UBR3: variants seen among roughly 807,000 people sequenced by gnomAD.
The protein encoded by UBR3 is ubiquitin protein ligase E3 component n-recognin 3, also known as E3 ubiquitin-protein ligase UBR3.
A neutral mutation model predicts 243.2 loss-of-function variants in UBR3; 85 were observed. The observed-to-expected ratio is 0.35, with a 90% CI of 0.29 to 0.42. The LOEUF is 0.42. UBR3 is among the 10% of genes least tolerant of loss of function. The probability of loss-of-function intolerance (pLI) is 1.00; values close to 1 mark genes in which losing one functional copy is unlikely to be tolerated. For synonymous variants in UBR3, 748 were observed against 799.8 expected (o/e 0.94, Z 1.09); for missense variants, 1,686 against 2,300.8 (o/e 0.73, Z 5.47).
intron 1 of UBR3, among the ~76,000 whole-genome samples, chr2:169,845,574 CTTCT>C (rs1268371668): frequency 7.3e-5 from 10 of 137,514 alleles, no homozygotes; most frequent in African/African-American, 2.4e-4. Flanking sequence ...CTTCTTCTTT[CTTCT>C]TTCTTCTTCT....
In UBR3 at chr2:170,082,086, C is replaced by T; in HGVS notation, c.*243C>T. 6.4e-6 allele frequency: 2 copies of T among 314,574 alleles called. No individual in the cohort carries two copies. Among genetic ancestry groups the T allele is most frequent in the East Asian group, 5.1e-5 (1 of 19,454 alleles). The allele number at this position is 314,574 out of a possible 1,614,324, so 19.5% of individuals were successfully genotyped here. ...TTCTTTAGTGGTCATTTTTTAAGTG[C>T]ACAATTAATAAGAAGCACAACTTGT... On this transcript the variant is annotated 3_prime_UTR_variant, in exon 39 of 39. Coordinates refer to ENST00000272793, the MANE Select transcript of UBR3 (RefSeq NM_172070.4).
intron 5 of UBR3, among the ~76,000 whole-genome samples, chr2:169,887,780 TTTC>T (rs1193711441): frequency 4.0e-5 from 6 of 148,756 alleles, no homozygotes; most frequent in Non-Finnish European, 6.0e-5. Flanking sequence ...TTTTTCTTTC[TTTC>T]TTTTTTTTTT....
At chr2:169,908,205 T>C (rs2085094752) in intron 10 of UBR3, among the ~76,000 whole-genome samples, 1 of 152,236 alleles carries the variant, frequency 6.6e-6, no homozygotes, top group Non-Finnish European at 1.5e-5. Flanking sequence ...ATGAGAGTTA[T>C]CTTGGAAGCT....
intron 1 of UBR3, among the ~76,000 whole-genome samples, chr2:169,828,612 G>C (rs756321662): frequency 1.3e-5 from 2 of 152,016 alleles, no homozygotes; most frequent in Non-Finnish European, 2.9e-5. Context: ...CTTGAGGGTT[G>C]AGGGAGGAGG....
At chr2:170,073,719 C>T (rs1355565025) in intron 36 of UBR3, 112 bp downstream of exon 36, 4 of 1,150,660 alleles carry the variant, frequency 3.5e-6, no homozygotes, top group African/African-American at 1.7e-5. Context: ...AATTATAAAA[C>T]TTGATTAAAT....
chr2:170,021,722 T>G (rs1218690107), intron 30 of UBR3, among the ~76,000 whole-genome samples: 1 of 152,202 alleles, frequency 6.6e-6, no homozygotes, highest in Non-Finnish European at 1.5e-5. Context: ...ATAAAGTTTA[T>G]CTTTTGAGAA....
At chr2:169,877,737 C>A in intron 4 of UBR3, 100 bp downstream of exon 4, 1 of 1,172,604 alleles carries the variant, frequency 8.5e-7, no homozygotes, top group Non-Finnish European at 1.2e-6. Flanking sequence ...TTATTTTGAA[C>A]TAAAACAGTA....
chr2:170,069,179 A>T (rs2091643681), intron 35 of UBR3, among the ~76,000 whole-genome samples: 1 of 152,166 alleles, frequency 6.6e-6, no homozygotes, highest in Non-Finnish European at 1.5e-5. Context: ...GAAAAAAACT[A>T]CAAACCCATG....
At chr2:170,035,855 TC>T (rs1284203494) in intron 31 of UBR3, among the ~76,000 whole-genome samples, 2 of 143,974 alleles carry the variant, frequency 1.4e-5, no homozygotes, top group African/African-American at 2.5e-5. Flanking sequence ...TTTGTCATTT[TC>T]CTTAAATAGA....
At chr2:169,956,073 C>T (rs539919121) in intron 23 of UBR3, among the ~76,000 whole-genome samples, 1 of 152,022 alleles carries the variant, frequency 6.6e-6, no homozygotes, top group South Asian at 2.1e-4. Flanking sequence ...GTACTGAAAA[C>T]TGTGAGTTCA....
chr2:169,870,785 C>T (rs989400851), intron 1 of UBR3, among the ~76,000 whole-genome samples: 2 of 152,016 alleles, frequency 1.3e-5, no homozygotes, highest in Admixed American at 6.5e-5. Flanking sequence ...TCCCAAGTAG[C>T]TGGGACTACA....
At chr2:170,069,963 C>T (rs1226247799) in intron 35 of UBR3, among the ~76,000 whole-genome samples, 11 of 151,790 alleles carry the variant, frequency 7.2e-5, no homozygotes, top group East Asian at 1.9e-4. Context: ...AAATGCTATA[C>T]GAATAGTTAT....
chr2:170,072,818 T>C (rs1574482486), intron 35 of UBR3, among the ~76,000 whole-genome samples: 1 of 152,098 alleles, frequency 6.6e-6, no homozygotes, highest in East Asian at 1.9e-4. Flanking sequence ...GATTGGGGAA[T>C]ATATTTCTGT....
chr2:169,999,565 C>T (rs1470545259), intron 26 of UBR3, among the ~76,000 whole-genome samples: 1 of 152,186 alleles, frequency 6.6e-6, no homozygotes, highest in African/African-American at 2.4e-5. Flanking sequence ...GCTCTCAAAT[C>T]TTTCATCATA....
chr2:169,894,991 T>C (rs200169528), intron 6 of UBR3, among the ~76,000 whole-genome samples, 190 bp from the exon 7 acceptor site: 2 of 152,230 alleles, frequency 1.3e-5, no homozygotes, highest in East Asian at 1.9e-4. Flanking sequence ...TTAAAATATA[T>C]GCATTAAATT....
intron 5 of UBR3, among the ~76,000 whole-genome samples, chr2:169,882,966 C>T (rs1329200362): frequency 6.6e-6 from 1 of 152,124 alleles, no homozygotes; most frequent in Non-Finnish European, 1.5e-5. Flanking sequence ...TGAAATTGGG[C>T]ACTAGTTCTT....
In UBR3 at chr2:169,836,067, A is replaced by ATTTTTT. The variant is rs60845808; in HGVS notation, c.545+8036_545+8041dup. 4.3e-3 allele frequency among the ~76,000 whole-genome samples: 142 copies of ATTTTTT among 32,662 alleles called. 22 individuals are homozygous for ATTTTTT. Among genetic ancestry groups the ATTTTTT allele is most frequent in the Non-Finnish European group, 6.0e-3 (117 of 19,546 alleles). The allele number at this position is 32,662 out of a possible 152,430, so 21.4% of individuals were successfully genotyped here. On this transcript the variant is annotated intron_variant, in intron 1 of 38. Coordinates refer to ENST00000272793, the MANE Select transcript of UBR3 (RefSeq NM_172070.4). ...TCTATATATATATATATATATATAT[A>ATTTTTT]TTTTTTTTTTTTTTTTTTTTTTTTT...
intron 5 of UBR3, 93 bp downstream of exon 5, chr2:169,878,667 TG>T: frequency 8.7e-7 from 1 of 1,144,568 alleles, no homozygotes; most frequent in African/African-American, 1.6e-5. Context: ...GTTCTGAAAC[TG>T]TATAGATTTG....
chr2:169,935,613 C>T (rs2086296285), intron 19 of UBR3, among the ~76,000 whole-genome samples: 1 of 152,182 alleles, frequency 6.6e-6, no homozygotes, highest in South Asian at 2.1e-4. Context: ...TCTGTTGCCT[C>T]CTGTCTCCCA....
Sources: gnomAD v4.1 joint callset for allele counts (sites outside exome capture counted in the v4.1 genomes callset) on GRCh38, gnomAD v4.1.1 for gene constraint, MANE v1.5 for transcripts, NCBI Gene and HGNC (gene_info 2026-07-23, HGNC 2026-07-21) for gene names.